COX7B2: variants seen among roughly 807,000 people sequenced by gnomAD.
COX7B2 encodes the protein cytochrome c oxidase subunit 7B2, mitochondrial.
For missense variants in COX7B2, 109 were observed against 95.9 expected (o/e 1.14, Z -0.57); for synonymous variants, 37 against 32.1 (o/e 1.15, Z -0.51).
chr4:46,800,336 G>C (rs1480496282), intron 2 of COX7B2, among the ~76,000 whole-genome samples: 2 of 152,028 alleles, frequency 1.3e-5, no homozygotes, highest in Non-Finnish European at 2.9e-5. Flanking sequence ...AAAGAACAAA[G>C]CTGGAGGCAT....
At chr4:46,785,001 T>C (rs1198471278) in intron 2 of COX7B2, among the ~76,000 whole-genome samples, 4 of 152,208 alleles carry the variant, frequency 2.6e-5, no homozygotes, top group Non-Finnish European at 5.9e-5. Flanking sequence ...TTAAGGCACA[T>C]GCACAAATCT....
intron 2 of COX7B2, among the ~76,000 whole-genome samples, chr4:46,808,785 G>A (rs570207779): frequency 4.5e-4 from 68 of 152,016 alleles, no homozygotes; most frequent in Admixed American, 1.0e-3. Context: ...TGCATCAATT[G>A]AGATGATCAC....
chr4:46,759,195 T>G (rs900216596), intron 2 of COX7B2, among the ~76,000 whole-genome samples: 2 of 152,044 alleles, frequency 1.3e-5, no homozygotes, highest in Non-Finnish European at 2.9e-5. Flanking sequence ...GAGGAGCTCA[T>G]GGACAAAAGT....
intron 2 of COX7B2, among the ~76,000 whole-genome samples, chr4:46,762,242 A>G (rs1302580817): frequency 7.0e-6 from 1 of 142,456 alleles, no homozygotes; most frequent in Non-Finnish European, 1.5e-5. Flanking sequence ...TATTAAATAT[A>G]TTATATATTT....
intron 2 of COX7B2, among the ~76,000 whole-genome samples, chr4:46,788,338 T>C (rs1717859143): frequency 6.6e-6 from 1 of 152,130 alleles, no homozygotes; most frequent in Admixed American, 6.5e-5. Flanking sequence ...CAATAAAAAA[T>C]CATACATAAC....
intron 2 of COX7B2, among the ~76,000 whole-genome samples, chr4:46,752,856 T>C (rs561357188): frequency 6.6e-6 from 1 of 152,208 alleles, no homozygotes; most frequent in Admixed American, 6.6e-5. Flanking sequence ...TCGATGTTCA[T>C]CAGCGATATT....
intron 2 of COX7B2, among the ~76,000 whole-genome samples, chr4:46,807,077 T>G (rs893359499): frequency 2.6e-5 from 4 of 151,670 alleles, no homozygotes; most frequent in Admixed American, 2.0e-4. Flanking sequence ...TATTTTAAAT[T>G]TTTTTAGAAA....
intron 1 of COX7B2, among the ~76,000 whole-genome samples, chr4:46,902,667 T>G (rs1424455000): frequency 6.6e-6 from 1 of 152,164 alleles, no homozygotes; most frequent in African/African-American, 2.4e-5. Flanking sequence ...AAATCAAATC[T>G]GTAGTCATTC....
intron 1 of COX7B2, among the ~76,000 whole-genome samples, chr4:46,859,120 T>C (rs1403397339): frequency 1.3e-5 from 2 of 152,188 alleles, no homozygotes; most frequent in Non-Finnish European, 1.5e-5. Context: ...TCCTTACCCT[T>C]GGGCTCCATA....
chr4:46,776,763 G>A (rs1717175199), intron 2 of COX7B2, among the ~76,000 whole-genome samples: 2 of 152,060 alleles, frequency 1.3e-5, no homozygotes, highest in South Asian at 4.2e-4. Flanking sequence ...CCCAGGAAGA[G>A]ATTAGTAAAG....
At chr4:46,851,175 A>G (rs1428460493) in intron 1 of COX7B2, among the ~76,000 whole-genome samples, 1 of 152,062 alleles carries the variant, frequency 6.6e-6, no homozygotes, top group Non-Finnish European at 1.5e-5. Context: ...ATATTAATCC[A>G]CTTGTAACAA....
rs1172040020 is a variant in COX7B2 at position 46,751,370 on chromosome 4, T to TA, written c.-49-16130dup. ...GTATACATGTTATTTGTTGAATGTT[T>TA]ATATGTCTACTTTTATATCCACTTC... On this transcript the variant is annotated intron_variant, in intron 2 of 2. Transcript: ENST00000355591. Among the ~76,000 whole-genome samples the TA allele has an allele frequency of 2.0e-5, 3 of 152,194 alleles. No individual in the cohort carries two copies. In the East Asian group the frequency reaches 5.8e-4, roughly 29 times the overall value.
intron 2 of COX7B2, among the ~76,000 whole-genome samples, chr4:46,746,724 A>C (rs976849240): frequency 6.6e-6 from 1 of 152,194 alleles, no homozygotes; most frequent in Admixed American, 6.5e-5. Context: ...CAGTCTTTTT[A>C]AGCAACTTGT....
intron 2 of COX7B2, among the ~76,000 whole-genome samples, chr4:46,763,251 TACAC>T (rs1031981041): frequency 7.1e-6 from 1 of 141,462 alleles, no homozygotes. Context: ...TACATATATA[TACAC>T]ACACACACAA....
chr4:46,828,095 C>T lies in COX7B2; in HGVS notation c.-50+16865G>A, dbSNP rs546931963. ...TGCATTTTACTGTATATGAATTATA[C>T]CTTAATAAATTTGATTTAGGAAAAC... On this transcript the variant is annotated intron_variant, in intron 2 of 2. Transcript: ENST00000355591. 3.3e-5 allele frequency among the ~76,000 whole-genome samples: 5 copies of T among 152,088 alleles called. No individual in the cohort carries two copies. In the South Asian group the frequency reaches 6.2e-4, roughly 19 times the overall value.
At chr4:46,864,307 A>G (rs1414092067) in intron 1 of COX7B2, among the ~76,000 whole-genome samples, 2 of 152,112 alleles carry the variant, frequency 1.3e-5, no homozygotes, top group Non-Finnish European at 2.9e-5. Flanking sequence ...GATACAAACA[A>G]TGTTACCTAC....
chr4:46,861,318 A>G (rs1341977487), intron 1 of COX7B2, among the ~76,000 whole-genome samples: 1 of 152,190 alleles, frequency 6.6e-6, no homozygotes, highest in Non-Finnish European at 1.5e-5. Context: ...CCCTCTTTGC[A>G]GGAATTGGCA....
intron 2 of COX7B2, among the ~76,000 whole-genome samples, chr4:46,780,349 C>G (rs1717380422): frequency 6.6e-6 from 1 of 152,106 alleles, no homozygotes; most frequent in Non-Finnish European, 1.5e-5. Context: ...AAACCCGTCT[C>G]TACTAAAAAT....
intron 2 of COX7B2, among the ~76,000 whole-genome samples, chr4:46,770,265 A>G (rs1004638630): frequency 2.0e-5 from 3 of 152,202 alleles, no homozygotes; most frequent in Admixed American, 1.3e-4. Flanking sequence ...AAATAAATAA[A>G]TACTTAGAAA....
Sources: allele counts gnomAD v4.1 joint callset (sites outside exome capture counted in the v4.1 genomes callset), GRCh38; gene constraint gnomAD v4.1.1; transcripts MANE v1.5; gene names NCBI Gene and HGNC (gene_info 2026-07-23, HGNC 2026-07-21).